XKR4: variants seen among roughly 807,000 people sequenced by gnomAD.
XKR4 encodes XK related 4, also known as XK-related protein 4.
XKR4 carries 12 observed loss-of-function variants against 53.9 expected under a neutral mutation model. The observed-to-expected ratio is 0.22, with a 90% CI of 0.14 to 0.36. The LOEUF (loss-of-function observed/expected upper bound fraction) is 0.36. Ranked by LOEUF, XKR4 falls within the 10% of genes least tolerant of loss-of-function variation. The pLI is 1.00. For missense variants in XKR4, 799 were observed against 859.5 expected, an observed-to-expected ratio of 0.93 and a Z score of 0.88; for synonymous variants, 354 against 362.4, an observed-to-expected ratio of 0.98 and a Z score of 0.26.
intron 2 of XKR4, chr8:55,452,054 C>A (rs951478866): frequency 1.3e-5 from 9 of 717,520 alleles, no homozygotes; most frequent in Non-Finnish European, 2.3e-5. Flanking sequence ...GGGAAGGACC[C>A]TTGTTCTTGG....
chr8:55,479,927 A>G (rs1054702470), intron 2 of XKR4, among the ~76,000 whole-genome samples: 7 of 152,194 alleles, frequency 4.6e-5, no homozygotes, highest in African/African-American at 1.4e-4. Context: ...CAAGCAAAGA[A>G]AAGTCCAGGA....
intron 2 of XKR4, among the ~76,000 whole-genome samples, chr8:55,503,850 C>A (rs1171850366): frequency 6.6e-6 from 1 of 151,806 alleles, no homozygotes; most frequent in East Asian, 1.9e-4. Context: ...TCGTTTATGG[C>A]CTTTATTATG....
intron 1 of XKR4, chr8:55,161,483 G>C (rs2306453): frequency 0.022 from 9,814 of 454,348 alleles, 350 homozygotes; most frequent in East Asian, 0.12. Flanking sequence ...GCAGTGATGG[G>C]TCCTTTATAG....
intron 1 of XKR4, among the ~76,000 whole-genome samples, chr8:55,337,913 T>A (rs1803485849): frequency 2.0e-5 from 3 of 152,220 alleles, no homozygotes; most frequent in Admixed American, 2.0e-4. Flanking sequence ...ATATGTGACA[T>A]TTGGTTACCT....
intron 2 of XKR4, among the ~76,000 whole-genome samples, chr8:55,385,012 C>A (rs1010069769): frequency 6.6e-6 from 1 of 152,064 alleles, no homozygotes; most frequent in Non-Finnish European, 1.5e-5. Context: ...ATAGTGTAGC[C>A]TCTTTTTTTC....
intron 2 of XKR4, among the ~76,000 whole-genome samples, chr8:55,384,846 C>T (rs1024219163): frequency 2.0e-5 from 3 of 152,196 alleles, no homozygotes; most frequent in South Asian, 4.1e-4. Flanking sequence ...AGCAAATACA[C>T]TCAACTTACA....
At chr8:55,106,140 G>A (rs1473241292) in intron 1 of XKR4, among the ~76,000 whole-genome samples, 1 of 152,136 alleles carries the variant, frequency 6.6e-6, no homozygotes, top group Admixed American at 6.5e-5. Context: ...TAGCTAGGTT[G>A]GTAACTGCTT....
At chr8:55,405,100 A>G (rs879474714) in intron 2 of XKR4, among the ~76,000 whole-genome samples, 1 of 152,164 alleles carries the variant, frequency 6.6e-6, no homozygotes, top group Non-Finnish European at 1.5e-5. Context: ...GCTTCATGGG[A>G]ATGAAGAGCA....
intron 1 of XKR4, among the ~76,000 whole-genome samples, chr8:55,200,566 T>A (rs1416866659): frequency 2.0e-5 from 3 of 152,218 alleles, no homozygotes; most frequent in Admixed American, 6.5e-5. Context: ...GAAGTGACCA[T>A]AGCTTTTCCA....
At chr8:55,258,282 G>C (rs960633281) in intron 1 of XKR4, among the ~76,000 whole-genome samples, 1 of 152,216 alleles carries the variant, frequency 6.6e-6, no homozygotes, top group Non-Finnish European at 1.5e-5. Flanking sequence ...GCATCCTCAC[G>C]TGTAGAGGAG....
intron 2 of XKR4, among the ~76,000 whole-genome samples, chr8:55,358,078 T>C (rs1474853853): frequency 6.6e-6 from 1 of 152,236 alleles, no homozygotes; most frequent in Non-Finnish European, 1.5e-5. Flanking sequence ...AGCGCATTTT[T>C]GCTCTCCAGC....
intron 1 of XKR4, among the ~76,000 whole-genome samples, chr8:55,291,435 C>A (rs1819018219): frequency 6.6e-6 from 1 of 152,132 alleles, no homozygotes; most frequent in Non-Finnish European, 1.5e-5. Context: ...TTTGTTAAAA[C>A]TGTATGTCAA....
chr8:55,227,175 G>A (rs111355585), intron 1 of XKR4, among the ~76,000 whole-genome samples: 201 of 152,154 alleles, frequency 1.3e-3, no homozygotes, highest in African/African-American at 4.7e-3. Flanking sequence ...CATCTGCGTT[G>A]TTCCCTACCC....
At chr8:55,421,751 T>C (rs1371814829) in intron 2 of XKR4, among the ~76,000 whole-genome samples, 1 of 152,168 alleles carries the variant, frequency 6.6e-6, no homozygotes, top group Non-Finnish European at 1.5e-5. Context: ...CCAAGTTCAG[T>C]CTTAATTGAC....
intron 1 of XKR4, among the ~76,000 whole-genome samples, chr8:55,293,270 G>A (rs965367227): frequency 6.6e-6 from 1 of 152,156 alleles, no homozygotes; most frequent in Non-Finnish European, 1.5e-5. Context: ...AAGAGGCAAA[G>A]GTTGCAGTGA....
chr8:55,477,190 A>G (rs1806006038), intron 2 of XKR4, among the ~76,000 whole-genome samples: 1 of 152,088 alleles, frequency 6.6e-6, no homozygotes, highest in African/African-American at 2.4e-5. Flanking sequence ...CCTCTGAGAC[A>G]AAACTTCCAG....
chr8:55,160,587 T>G (rs1563471528), intron 1 of XKR4, among the ~76,000 whole-genome samples: 1 of 152,326 alleles, frequency 6.6e-6, no homozygotes, highest in East Asian at 1.9e-4. Context: ...TGGCAGAGCC[T>G]TCCTTACTCC....
intron 2 of XKR4, among the ~76,000 whole-genome samples, chr8:55,455,550 T>C (rs1416573226): frequency 6.6e-6 from 1 of 151,992 alleles, no homozygotes; most frequent in Non-Finnish European, 1.5e-5. Context: ...GGAAACTCAG[T>C]AGGAAACAAA....
chr8:55,419,072 C>T (rs903466013), intron 2 of XKR4, among the ~76,000 whole-genome samples: 2 of 152,054 alleles, frequency 1.3e-5, no homozygotes, highest in African/African-American at 4.8e-5. Context: ...ATGTTCCAGC[C>T]TCGAATAAAG....
Sources: gnomAD v4.1 joint callset for allele counts (sites outside exome capture counted in the v4.1 genomes callset) on GRCh38, gnomAD v4.1.1 for gene constraint, MANE v1.5 for transcripts, NCBI Gene and HGNC (gene_info 2026-07-23, HGNC 2026-07-21) for gene names.